LRRC38: variants seen among roughly 807,000 people sequenced by gnomAD.
The protein encoded by LRRC38 is leucine-rich repeat-containing protein 38.
A neutral mutation model predicts 16.4 loss-of-function variants in LRRC38; 5 were observed. The ratio of observed to expected loss-of-function variants is 0.31; its 90% confidence interval spans 0.16 to 0.64. The LOEUF is 0.64. LRRC38 is among the 30% of genes least tolerant of loss of function. The probability of loss-of-function intolerance (pLI) is 0.80; values close to 1 mark genes in which losing one functional copy is unlikely to be tolerated. For synonymous variants in LRRC38, 191 were observed against 190.2 expected (o/e 1.00, Z -0.04); for missense variants, 341 against 401.8 (o/e 0.85, Z 1.29).
chr1:13,496,232 TC>T (rs138883824), intron 1 of LRRC38, among the ~76,000 whole-genome samples: 1,957 of 152,162 alleles, frequency 0.013, 33 homozygotes, highest in African/African-American at 0.044. Context: ...AGCAGCAAGA[TC>T]CTAGCTCACT....
chr1:13,500,323 G>T (rs911716756), intron 1 of LRRC38, among the ~76,000 whole-genome samples: 1 of 151,566 alleles, frequency 6.6e-6, no homozygotes, highest in Non-Finnish European at 1.5e-5. Flanking sequence ...CTCACAATTT[G>T]CCCACAAGGA....
chr1:13,480,949 G>C (rs912126755), intron 1 of LRRC38, among the ~76,000 whole-genome samples: 15 of 152,156 alleles, frequency 9.9e-5, no homozygotes, highest in African/African-American at 2.9e-4. Context: ...TGAGCCACCA[G>C]GCCCAGCCAT....
At chr1:13,495,860 C>T (rs971620256) in intron 1 of LRRC38, among the ~76,000 whole-genome samples, 4 of 152,130 alleles carry the variant, frequency 2.6e-5, no homozygotes, top group South Asian at 2.1e-4. Flanking sequence ...CAGAACAAGT[C>T]CCCTGTGTTC....
chr1:13,490,883 G>A (rs146895463), intron 1 of LRRC38, among the ~76,000 whole-genome samples: 34 of 152,192 alleles, frequency 2.2e-4, no homozygotes, highest in Middle Eastern at 3.4e-3. Flanking sequence ...TGGTGGGCTC[G>A]CCGGCACGCT....
intron 1 of LRRC38, among the ~76,000 whole-genome samples, chr1:13,495,164 G>A (rs77464110): frequency 0.037 from 5,661 of 152,236 alleles, 161 homozygotes; most frequent in Non-Finnish European, 0.055. Context: ...AAATATTCAC[G>A]AAGGAAAGAA....
In LRRC38 at chr1:13,488,032, T is replaced by TG. The variant is rs1638959097; in HGVS notation, c.632-11934_632-11933insC. ...TATACCTTTTCTAGATTGTGTGTGT[T>TG]TGTGTGTGTGTGTGTGTGTGTGTGT... On this transcript the variant is annotated intron_variant, in intron 1 of 1. Transcript: ENST00000376085. 1.8e-3 allele frequency among the ~76,000 whole-genome samples: 260 copies of TG among 147,202 alleles called. 1 individual carries two copies. The highest frequency in any genetic ancestry group is 3.9e-3 in the South Asian group (18 of 4,600).
rs560901483 is a variant in LRRC38 at position 13,511,997 on chromosome 1, A to G, written c.631+966T>C. ...TAAATCTGCATGTATGTCACCTTTG[A>G]TGATGTGCGCCTTGCAGCTGTGGTC... On this transcript the variant is annotated intron_variant, in intron 1 of 1. Coordinates refer to ENST00000376085, the MANE Select transcript of LRRC38 (RefSeq NM_001010847.2). Among the ~76,000 whole-genome samples the G allele has an allele frequency of 2.8e-3, 427 of 152,314 alleles. 2 individuals are homozygous for G. Among genetic ancestry groups the G allele is most frequent in the African/African-American group, 9.6e-3 (401 of 41,578 alleles).
chr1:13,489,719 C>T (rs143453725), intron 1 of LRRC38, among the ~76,000 whole-genome samples: 47 of 152,282 alleles, frequency 3.1e-4, no homozygotes, highest in Admixed American at 5.9e-4. Flanking sequence ...CCAGGAACAC[C>T]AGCTTTAATT....
chr1:13,492,718 A>G (rs1229164112), intron 1 of LRRC38, among the ~76,000 whole-genome samples: 1 of 152,086 alleles, frequency 6.6e-6, no homozygotes, highest in Non-Finnish European at 1.5e-5. Flanking sequence ...GAAAAAAAAA[A>G]GGACTTTTTG....
Position 13,475,794 on chromosome 1 carries a change from G to A in LRRC38, c.*52C>T. The stretch of plus-strand genomic sequence containing the variant: ...TTCAGCATTTCCCTCTCGTCTTGGA[G>A]AGAGCTTCTGGTTCGGTGCTGGAGA... On this transcript the variant is annotated 3_prime_UTR_variant, in exon 2 of 2. Coordinates refer to ENST00000376085, the MANE Select transcript of LRRC38 (RefSeq NM_001010847.2). This position sits in a 1 kb window ranked among gnomAD's most constrained non-coding sequence, Gnocchi z 4.3. The A allele has an allele frequency of 6.5e-7, 1 of 1,533,482 alleles. No homozygotes were observed. Among genetic ancestry groups the A allele is most frequent in the Non-Finnish European group, 8.8e-7 (1 of 1,137,072 alleles). The allele number at this position is 1,533,482 out of a possible 1,614,324, so 95.0% of individuals were successfully genotyped here. A position where few individuals can be genotyped will look rare whatever the true frequency, so the allele number is the denominator to read the frequency against.
At chr1:13,496,900 G>A (rs1263996827) in intron 1 of LRRC38, among the ~76,000 whole-genome samples, 1 of 152,180 alleles carries the variant, frequency 6.6e-6, no homozygotes, top group Non-Finnish European at 1.5e-5. Context: ...CCAGGGAGAA[G>A]GTGGCATTTG....
At chr1:13,480,082 T>C (rs1031317819) in intron 1 of LRRC38, among the ~76,000 whole-genome samples, 8 of 152,362 alleles carry the variant, frequency 5.3e-5, no homozygotes, top group Admixed American at 1.3e-4. Flanking sequence ...TGGTGGCTCA[T>C]GCCTGTAATC....
intron 1 of LRRC38, among the ~76,000 whole-genome samples, chr1:13,497,059 C>T (rs1176058349): frequency 6.6e-6 from 1 of 152,026 alleles, no homozygotes; most frequent in Admixed American, 6.6e-5. Context: ...GGTGCCCAGG[C>T]CAGCGTGAAT....
At chr1:13,494,984 C>A (rs940903720) in intron 1 of LRRC38, among the ~76,000 whole-genome samples, 1 of 152,144 alleles carries the variant, frequency 6.6e-6, no homozygotes, top group African/African-American at 2.4e-5. Flanking sequence ...TGGTTTAGCC[C>A]CTACGAGGCC....
intron 1 of LRRC38, among the ~76,000 whole-genome samples, chr1:13,494,599 A>T (rs967268434): frequency 3.3e-5 from 5 of 152,162 alleles, no homozygotes; most frequent in African/African-American, 1.2e-4. Flanking sequence ...AATTTAAACC[A>T]TGGTGGATCG....
chr1:13,481,674 C>T (rs924178845), intron 1 of LRRC38, among the ~76,000 whole-genome samples: 14 of 152,090 alleles, frequency 9.2e-5, no homozygotes, highest in East Asian at 1.9e-4. Flanking sequence ...GGATTACAGG[C>T]ATGAGTCACC....
At chr1:13,498,337 C>G (rs557722352) in intron 1 of LRRC38, among the ~76,000 whole-genome samples, 1 of 152,054 alleles carries the variant, frequency 6.6e-6, no homozygotes, top group Non-Finnish European at 1.5e-5. Context: ...ATTATAAAAT[C>G]TGAAGGCTGA....
At chr1:13,484,113 G>A (rs938946445) in intron 1 of LRRC38, among the ~76,000 whole-genome samples, 2 of 151,936 alleles carry the variant, frequency 1.3e-5, no homozygotes, top group African/African-American at 4.8e-5. Flanking sequence ...CCTCCACTCC[G>A]CCTTGCTTGC....
chr1:13,495,197 A>G (rs1422859122), intron 1 of LRRC38, among the ~76,000 whole-genome samples: 4 of 152,182 alleles, frequency 2.6e-5, no homozygotes, highest in African/African-American at 9.7e-5. Flanking sequence ...GGTGACATAC[A>G]CGGTGGGACA....
Sources: gnomAD v4.1 joint callset for allele counts (sites outside exome capture counted in the v4.1 genomes callset) on GRCh38, gnomAD v4.1.1 for gene constraint, Gnocchi (gnomAD v3.1) non-coding constraint, MANE v1.5 for transcripts, NCBI Gene and HGNC (gene_info 2026-07-23, HGNC 2026-07-21) for gene names.